Variants in ADAMTS12 observed in about 807,000 individuals in gnomAD.
ADAMTS12 encodes the protein ADAM metallopeptidase with thrombospondin type 1 motif 12.
A neutral mutation model predicts 167.8 loss-of-function variants in ADAMTS12; 118 were observed. The observed-to-expected ratio is 0.70, with a 90% confidence interval of 0.61 to 0.82. The LOEUF is 0.82. ADAMTS12 is among the 40% of genes least tolerant of loss of function. The pLI is 0.00. For missense variants in ADAMTS12, 1,916 were observed against 1,998.8 expected, an observed-to-expected ratio of 0.96 and a Z score of 0.79; for synonymous variants, 704 against 716.9, an observed-to-expected ratio of 0.98 and a Z score of 0.29.
chr5:33,888,445 T>G (rs1750719005), intron 1 of ADAMTS12, among the ~76,000 whole-genome samples: 2 of 152,240 alleles, frequency 1.3e-5, no homozygotes, highest in South Asian at 4.1e-4. Context: ...GCTAACTGTA[T>G]AGATTATTAT....
At chr5:33,617,367 G>A (rs1043354180) in intron 14 of ADAMTS12, among the ~76,000 whole-genome samples, 4 of 151,946 alleles carry the variant, frequency 2.6e-5, no homozygotes, top group African/African-American at 9.7e-5. Context: ...TCTTCCTCTG[G>A]CGCTAAAGAA....
At chr5:33,857,335 T>A (rs941189158) in intron 2 of ADAMTS12, among the ~76,000 whole-genome samples, 14 of 151,882 alleles carry the variant, frequency 9.2e-5, no homozygotes, top group African/African-American at 3.4e-4. Context: ...TCTAGAGATC[T>A]AATGTAAAAC....
At chr5:33,869,400 A>T (rs6451030) in intron 2 of ADAMTS12, among the ~76,000 whole-genome samples, 3,835 of 151,838 alleles carry the variant, frequency 0.025, 74 homozygotes, top group Non-Finnish European at 0.038. Context: ...AGTCTGCTGC[A>T]GGGGTAGAGC....
In ADAMTS12 at chr5:33,759,401, T is replaced by A. The variant is rs570319112; in HGVS notation, c.490-7853A>T. ...CTAAGTTCAGCACCCAATTCCAGCA[T>A]TAACAAGCAGTTTTTGCTTTGCACA... is the stretch of plus-strand genomic sequence containing the variant. On this transcript the variant is annotated intron_variant, in intron 2 of 23. Coordinates refer to ENST00000504830, the MANE Select transcript of ADAMTS12 (RefSeq NM_030955.4). Among the ~76,000 whole-genome samples, 41 of 152,372 alleles carry A rather than the reference T, an allele frequency of 2.7e-4. No individual in the cohort carries two copies. In the South Asian group the frequency reaches 7.9e-3, roughly 29 times the overall value.
At chr5:33,697,878 C>G (rs1742843270) in intron 3 of ADAMTS12, among the ~76,000 whole-genome samples, 1 of 152,256 alleles carries the variant, frequency 6.6e-6, no homozygotes, top group South Asian at 2.1e-4. Flanking sequence ...TTCAGGTGTG[C>G]TCTCATGGCA....
chr5:33,858,825 G>A (rs1202350832), intron 2 of ADAMTS12, among the ~76,000 whole-genome samples: 2 of 151,924 alleles, frequency 1.3e-5, no homozygotes, highest in African/African-American at 4.8e-5. Context: ...CATCTCATTG[G>A]GACTGGTTAA....
Position 33,525,241 on chromosome 5 carries a change from T to C in ADAMTS12, c.*1947A>G, listed in dbSNP as rs1377004756. ...CTCGAAAACCATTATTCACCAGAGA[T>C]TGCTATCGGCCAGCAATGTTTATGT... On this transcript the variant is annotated 3_prime_UTR_variant, in exon 24 of 24. Coordinates refer to ENST00000504830, the MANE Select transcript of ADAMTS12 (RefSeq NM_030955.4). 1 of 152,202 alleles carries C rather than the reference T, an allele frequency of 6.6e-6. No homozygotes were observed. Among genetic ancestry groups the C allele is most frequent in the African/African-American group, 2.4e-5 (1 of 41,438 alleles). The allele number at this position is 152,202 out of a possible 1,614,324, so 9.4% of individuals were successfully genotyped here.
At chr5:33,725,755 C>T (rs550868755) in intron 3 of ADAMTS12, among the ~76,000 whole-genome samples, 3 of 152,282 alleles carry the variant, frequency 2.0e-5, no homozygotes, top group South Asian at 2.1e-4. Context: ...TTGAGGACTT[C>T]GTGAGAAGAT....
intron 3 of ADAMTS12, among the ~76,000 whole-genome samples, chr5:33,703,902 G>C (rs551102758): frequency 2.0e-5 from 3 of 152,294 alleles, no homozygotes; most frequent in East Asian, 3.9e-4. Flanking sequence ...ATGAAATCAG[G>C]AAAGAGAGCA....
chr5:33,759,086 T>G (rs547922655), intron 2 of ADAMTS12, among the ~76,000 whole-genome samples: 79 of 152,338 alleles, frequency 5.2e-4, no homozygotes, highest in African/African-American at 1.9e-3. Context: ...GATAGAGTCT[T>G]AGAGCTGGAA....
intron 11 of ADAMTS12, among the ~76,000 whole-genome samples, chr5:33,640,357 C>T (rs1329064247): frequency 6.6e-6 from 1 of 152,230 alleles, no homozygotes; most frequent in African/African-American, 2.4e-5. Flanking sequence ...TTCACCTCCT[C>T]AACTAGGAGT....
chr5:33,868,539 T>G (rs535082844), intron 2 of ADAMTS12, among the ~76,000 whole-genome samples: 1 of 152,332 alleles, frequency 6.6e-6, no homozygotes, highest in Admixed American at 6.5e-5. Flanking sequence ...CCTAGAGATC[T>G]ATGGGACTTT....
intron 2 of ADAMTS12, among the ~76,000 whole-genome samples, chr5:33,878,074 T>C (rs1750293806): frequency 6.6e-6 from 1 of 152,150 alleles, no homozygotes; most frequent in Non-Finnish European, 1.5e-5. Context: ...TGTAGGGCCA[T>C]ACCTGGGTGA....
chr5:33,803,312 G>A (rs1401836600), intron 2 of ADAMTS12, among the ~76,000 whole-genome samples: 1 of 152,206 alleles, frequency 6.6e-6, no homozygotes, highest in Non-Finnish European at 1.5e-5. Context: ...CTGGTGACCG[G>A]ACATAAGCCC....
At chr5:33,633,783 G>C (rs541284192) in intron 12 of ADAMTS12, among the ~76,000 whole-genome samples, 1 of 152,216 alleles carries the variant, frequency 6.6e-6, no homozygotes, top group East Asian at 1.9e-4. Flanking sequence ...CTCTGTGCCG[G>C]ACATCAACCT....
chr5:33,838,637 G>A (rs1032528514), intron 2 of ADAMTS12, among the ~76,000 whole-genome samples: 20 of 152,106 alleles, frequency 1.3e-4, no homozygotes, highest in African/African-American at 4.1e-4. Flanking sequence ...AGCCGCGATC[G>A]TGCCACTGCG....
intron 20 of ADAMTS12, among the ~76,000 whole-genome samples, chr5:33,551,228 C>A (rs1745243208): frequency 6.6e-6 from 1 of 152,098 alleles, no homozygotes; most frequent in Non-Finnish European, 1.5e-5. Flanking sequence ...CTCTGATTGG[C>A]AGATTTCACC....
intron 19 of ADAMTS12, among the ~76,000 whole-genome samples, chr5:33,575,480 T>C (rs1746646304): frequency 6.6e-6 from 1 of 152,202 alleles, no homozygotes; most frequent in Non-Finnish European, 1.5e-5. Context: ...CACAGCCGAA[T>C]GCCCAGGCTT....
At chr5:33,833,359 C>T (rs1420784609) in intron 2 of ADAMTS12, among the ~76,000 whole-genome samples, 1 of 152,188 alleles carries the variant, frequency 6.6e-6, no homozygotes, top group African/African-American at 2.4e-5. Context: ...AGCAAGGAAA[C>T]ACGAGGTCAT....
Sources: allele counts gnomAD v4.1 joint callset (sites outside exome capture counted in the v4.1 genomes callset), GRCh38; gene constraint gnomAD v4.1.1; transcripts MANE v1.5; gene names NCBI Gene and HGNC (gene_info 2026-07-23, HGNC 2026-07-21).